Variants in NLGN1 observed in about 807,000 individuals in gnomAD.
NLGN1 encodes neuroligin-1.
NLGN1 carries 12 observed loss-of-function variants against 65.5 expected under a neutral mutation model. The observed-to-expected ratio is 0.18, with a 90% confidence interval of 0.12 to 0.30. The LOEUF (loss-of-function observed/expected upper bound fraction) is 0.30, where lower values mean the gene tolerates loss of function less well. Among genes scored for constraint, NLGN1 ranks in the 10% least tolerant of loss-of-function variants. The probability of loss-of-function intolerance (pLI) is 1.00; values close to 1 mark genes in which losing one functional copy is unlikely to be tolerated. For missense variants in NLGN1, 750 were observed against 1,007.1 expected (o/e 0.74, Z 3.46); for synonymous variants, 350 against 359.5 (o/e 0.97, Z 0.30).
upstream of NLGN1, chr3:173,396,352 T>G (rs1373358857): frequency 6.6e-6 from 1 of 152,278 alleles, no homozygotes; most frequent in African/African-American, 2.4e-5. Flanking sequence ...GCTTGCCAAG[T>G]TTTGCTCTTC....
At chr3:173,421,193 A>G (rs372740804) in intron 1 of NLGN1, among the ~76,000 whole-genome samples, 51 of 152,092 alleles carry the variant, frequency 3.4e-4, no homozygotes, top group Non-Finnish European at 6.2e-4. Context: ...CATTTTTATT[A>G]TATACTTTTT....
intron 4 of NLGN1, among the ~76,000 whole-genome samples, chr3:173,950,809 A>G (rs1440445625): frequency 1.4e-5 from 2 of 141,692 alleles, no homozygotes; most frequent in Non-Finnish European, 3.1e-5. Flanking sequence ...ACTTCGTCTC[A>G]AAAAAAAAAA....
intron 4 of NLGN1, among the ~76,000 whole-genome samples, chr3:173,887,675 A>G (rs966640687): frequency 6.6e-6 from 1 of 151,984 alleles, no homozygotes; most frequent in Admixed American, 6.6e-5. Context: ...TTTAAATTCT[A>G]ATTTTCCATG....
chr3:173,860,682 G>A lies in NLGN1; in HGVS notation c.646+52850G>A, dbSNP rs74514969. On this transcript the variant is annotated intron_variant, in intron 4 of 6. Coordinates refer to ENST00000457714, the Ensembl canonical transcript of NLGN1. ...GGAATCCAGCAGGTAGGGAAGTTTGGATCCAACCCTCTAGTCTGTAATAAA... is the reference window on the plus strand; with the variant it reads ...GGAATCCAGCAGGTAGGGAAGTTTGAATCCAACCCTCTAGTCTGTAATAAA... Among the ~76,000 whole-genome samples the A allele has an allele frequency of 7.9e-5, 12 of 152,252 alleles. No homozygotes were observed. In the East Asian group the frequency reaches 2.3e-3, roughly 29 times the overall value.
intron 1 of NLGN1, among the ~76,000 whole-genome samples, chr3:173,407,766 A>T (rs910644426): frequency 2.6e-5 from 4 of 152,226 alleles, no homozygotes; most frequent in African/African-American, 9.6e-5. Flanking sequence ...ACATTGAGAA[A>T]TATCATTGTA....
chr3:173,798,687 G>A (rs2150398531), intron 3 of NLGN1, among the ~76,000 whole-genome samples: 1 of 152,080 alleles, frequency 6.6e-6, no homozygotes, highest in South Asian at 2.1e-4. Context: ...GATTATAAAA[G>A]TCTATCACTT....
chr3:173,677,224 C>G (rs956616306), intron 3 of NLGN1, among the ~76,000 whole-genome samples: 27 of 151,876 alleles, frequency 1.8e-4, no homozygotes, highest in Admixed American at 1.4e-3. Flanking sequence ...AGATTTACAC[C>G]CAGGAATACA....
intron 2 of NLGN1, among the ~76,000 whole-genome samples, chr3:173,502,799 A>G (rs759546715): frequency 1.3e-5 from 2 of 152,104 alleles, no homozygotes; most frequent in African/African-American, 2.4e-5. Flanking sequence ...TTAAGTTCCT[A>G]TATGACATTC....
Position 173,439,449 on chromosome 3 carries a change from C to A in NLGN1, c.-321+4371C>A, listed in dbSNP as rs200133765. On this transcript the variant is annotated intron_variant, in intron 2 of 6. Coordinates refer to ENST00000457714, the Ensembl canonical transcript of NLGN1. ...ATAAAATGTGTCCCAAGGTGTAGAACACAAGGAAAAATGTGCTCATCTCAC... is the reference window on the plus strand; with the variant it reads ...ATAAAATGTGTCCCAAGGTGTAGAAAACAAGGAAAAATGTGCTCATCTCAC... Among the ~76,000 whole-genome samples the A allele has an allele frequency of 1.1e-4, 16 of 150,916 alleles. No individual in the cohort carries two copies. In the East Asian group the frequency reaches 2.3e-3, roughly 22 times the overall value.
At chr3:173,959,763 C>G (rs1424777632) in intron 4 of NLGN1, among the ~76,000 whole-genome samples, 1 of 152,004 alleles carries the variant, frequency 6.6e-6, no homozygotes, top group African/African-American at 2.4e-5. Flanking sequence ...CACAGTTTTG[C>G]TAGATTTATA....
chr3:173,421,088 C>A (rs34976914), intron 1 of NLGN1, among the ~76,000 whole-genome samples: 1 of 151,862 alleles, frequency 6.6e-6, no homozygotes, highest in Non-Finnish European at 1.5e-5. Context: ...AATAATAATA[C>A]AATTGTTATA....
chr3:174,072,579 G>A (rs1404398978), intron 4 of NLGN1, among the ~76,000 whole-genome samples: 1 of 152,110 alleles, frequency 6.6e-6, no homozygotes, highest in Non-Finnish European at 1.5e-5. Context: ...AGTGAGGTCT[G>A]AATTAAAATT....
At chr3:173,720,169 C>T (rs1484480949) in intron 3 of NLGN1, among the ~76,000 whole-genome samples, 1 of 151,950 alleles carries the variant, frequency 6.6e-6, no homozygotes, top group Non-Finnish European at 1.5e-5. Context: ...TTCTGAGTCA[C>T]GATCCAGGCC....
At chr3:173,909,649 A>G (rs960639107) in intron 4 of NLGN1, among the ~76,000 whole-genome samples, 1 of 151,988 alleles carries the variant, frequency 6.6e-6, no homozygotes, top group Non-Finnish European at 1.5e-5. Context: ...CACCCTCCCC[A>G]CAGCATTTAT....
chr3:174,203,158 G>A (rs1734795523), intron 4 of NLGN1, among the ~76,000 whole-genome samples: 1 of 152,102 alleles, frequency 6.6e-6, no homozygotes, highest in South Asian at 2.1e-4. Flanking sequence ...CTACCCATCA[G>A]CTCACATTCC....
chr3:174,172,623 T>C (rs765563548), intron 4 of NLGN1, among the ~76,000 whole-genome samples: 1 of 152,070 alleles, frequency 6.6e-6, no homozygotes, highest in Non-Finnish European at 1.5e-5. Flanking sequence ...AACAAGTTCA[T>C]TGTAGATGTA....
intron 4 of NLGN1, among the ~76,000 whole-genome samples, chr3:174,116,581 G>T (rs1266281208): frequency 6.6e-6 from 1 of 151,574 alleles, no homozygotes; most frequent in African/African-American, 2.4e-5. Context: ...GAAGTGATCT[G>T]CCTGCCTTGG....
intron 4 of NLGN1, among the ~76,000 whole-genome samples, chr3:173,845,600 G>GTGGA (rs1258652016): frequency 5.2e-5 from 7 of 133,338 alleles, no homozygotes; most frequent in Admixed American, 1.6e-4. Flanking sequence ...AGATAGGTAG[G>GTGGA]TGGATGGATA....
chr3:173,767,531 C>A (rs528095077), intron 3 of NLGN1, among the ~76,000 whole-genome samples: 17 of 151,940 alleles, frequency 1.1e-4, no homozygotes, highest in African/African-American at 4.1e-4. Flanking sequence ...ACTAAATGAT[C>A]GTAATAACAG....
Sources: allele counts gnomAD v4.1 joint callset (sites outside exome capture counted in the v4.1 genomes callset), GRCh38; gene constraint gnomAD v4.1.1; transcripts MANE v1.5; gene names NCBI Gene and HGNC (gene_info 2026-07-23, HGNC 2026-07-21).